The following MYCBP2 variants were observed in gnomAD, a reference collection of about 807,000 sequenced individuals.
The protein encoded by MYCBP2 is E3 ubiquitin-protein ligase MYCBP2.
A neutral mutation model predicts 525.3 loss-of-function variants in MYCBP2; 120 were observed. That is an observed-to-expected ratio of 0.23 (90% CI 0.20 to 0.27). The LOEUF (loss-of-function observed/expected upper bound fraction) is 0.27. Ranked by LOEUF, MYCBP2 falls within the 10% of genes least tolerant of loss-of-function variation. The pLI is 1.00. For missense variants in MYCBP2, 4,149 were observed against 5,657.1 expected, an observed-to-expected ratio of 0.73 and a Z score of 8.55; for synonymous variants, 1,894 against 1,955.8, an observed-to-expected ratio of 0.97 and a Z score of 0.83.
At chr13:77,166,679 T>C (rs1437263904) in intron 40 of MYCBP2, 125 bp from the exon 41 acceptor site, 1 of 525,592 alleles carries the variant, frequency 1.9e-6, no homozygotes, top group Non-Finnish European at 3.1e-6. Context: ...AAGTACAAAA[T>C]TAAAATAGAA....
At chr13:77,241,483 G>C (rs1456529400) in intron 17 of MYCBP2, among the ~76,000 whole-genome samples, 1 of 152,080 alleles carries the variant, frequency 6.6e-6, no homozygotes, top group Non-Finnish European at 1.5e-5. Context: ...CAAACAGATA[G>C]AATGGTAACT....
In MYCBP2 at chr13:77,267,886, T is replaced by G; in HGVS notation, c.1312A>C (p.Ile438Leu). ...VNNHSMTAIR[I>L]SPETLEQDGT... is the part of the protein sequence containing the mutation. ...TCTTGCTCCAGTGTTTCAGGGCTTATCCTTATGGCTGTCATGCTGTGGTTA... is the reference window on the plus strand; with the variant it reads ...TCTTGCTCCAGTGTTTCAGGGCTTAGCCTTATGGCTGTCATGCTGTGGTTA... Residue 438 changes from isoleucine to leucine, a missense_variant, in exon 8 of 83, where the codon ATA (isoleucine) becomes CTA (leucine). Coordinates refer to ENST00000544440, the MANE Select transcript of MYCBP2 (RefSeq NM_015057.5). 1 of 1,613,932 alleles carries G rather than the reference T, an allele frequency of 6.2e-7. No homozygotes were observed. Among genetic ancestry groups the G allele is most frequent in the African/African-American group, 1.3e-5 (1 of 75,030 alleles).
At chr13:77,071,948 T>C (rs755825511) in intron 68 of MYCBP2, among the ~76,000 whole-genome samples, 7 of 152,022 alleles carry the variant, frequency 4.6e-5, no homozygotes, top group Non-Finnish European at 8.8e-5. Context: ...TCCCAAATAT[T>C]TGGGAATTAA....
Position 77,098,418 on chromosome 13 carries a change from A to C in MYCBP2, c.8736T>G (p.Pro2912=), listed in dbSNP as rs146009453. 1.1e-3 allele frequency: 1,743 copies of C among 1,613,694 alleles called. 4 individuals are homozygous for C. Among genetic ancestry groups the C allele is most frequent in the Admixed American group, 3.7e-3 (221 of 59,918 alleles). The change falls in exon 56 of 83, where the codon CCT becomes CCG. Residue 2912 remains proline, a synonymous_variant. Transcript: ENST00000544440. ...GAGAGGGAGCTCTATTTTCAGATCC[A>C]GGGGAATCTGTAGAATCCTTTGGTA... The part of the protein sequence containing the change: ...KSVPKDSTDS[P]GSENRAPSPH...
chr13:77,201,428 C>T (rs1300096242), intron 26 of MYCBP2, among the ~76,000 whole-genome samples: 2 of 151,820 alleles, frequency 1.3e-5, no homozygotes, highest in Admixed American at 1.3e-4. Context: ...ACTTAGACTC[C>T]CACACATTAA....
intron 26 of MYCBP2, among the ~76,000 whole-genome samples, chr13:77,198,474 C>T (rs1410683018): frequency 1.3e-5 from 2 of 152,126 alleles, no homozygotes; most frequent in Admixed American, 6.5e-5. Context: ...AAGAAAATAC[C>T]TCCTGAACAG....
intron 15 of MYCBP2, among the ~76,000 whole-genome samples, chr13:77,246,410 T>C (rs576482400): frequency 2.0e-5 from 3 of 151,934 alleles, no homozygotes; most frequent in East Asian, 1.9e-4. Context: ...AATTCATTCT[T>C]TGAGGTCAGG....
chr13:77,091,789 G>A (rs1198449466), intron 59 of MYCBP2, among the ~76,000 whole-genome samples: 1 of 151,690 alleles, frequency 6.6e-6, no homozygotes, highest in Non-Finnish European at 1.5e-5. Flanking sequence ...TGACACAATC[G>A]TAGCTCACTG....
At chr13:77,312,140 C>T (rs1209869276) in intron 1 of MYCBP2, among the ~76,000 whole-genome samples, 1 of 152,002 alleles carries the variant, frequency 6.6e-6, no homozygotes, top group Non-Finnish European at 1.5e-5. Flanking sequence ...ATTATATATC[C>T]ACCTAAAATA....
At chr13:77,205,705 T>A (rs1337400177) in intron 24 of MYCBP2, 107 bp from the exon 25 acceptor site, 2 of 920,466 alleles carry the variant, frequency 2.2e-6, no homozygotes, top group Non-Finnish European at 3.1e-6. Flanking sequence ...AAACTCAGAA[T>A]GTTACTCCAA....
intron 15 of MYCBP2, among the ~76,000 whole-genome samples, chr13:77,248,508 A>G (rs1018184768): frequency 1.3e-5 from 2 of 152,210 alleles, no homozygotes; most frequent in African/African-American, 4.8e-5. Flanking sequence ...CAAAAAGTAT[A>G]TGGAAAGATG....
At chr13:77,261,493 A>G (rs1241918178) in intron 11 of MYCBP2, 118 bp from the exon 12 acceptor site, 1 of 800,480 alleles carries the variant, frequency 1.2e-6, no homozygotes, top group African/African-American at 1.8e-5. Context: ...ACATAAAAAC[A>G]AACTCTTTTT....
intron 17 of MYCBP2, among the ~76,000 whole-genome samples, chr13:77,242,145 C>T (rs901921837): frequency 1.3e-5 from 2 of 152,176 alleles, no homozygotes; most frequent in African/African-American, 2.4e-5. Context: ...GATGGAGTCT[C>T]ACTCTGTCGC....
At chr13:77,281,156 T>C (rs947959885) in intron 3 of MYCBP2, among the ~76,000 whole-genome samples, 4 of 152,112 alleles carry the variant, frequency 2.6e-5, no homozygotes, top group Admixed American at 6.6e-5. Context: ...TCTCCCTCCT[T>C]CAGTATCAGG....
At position 77,261,223 on chromosome 13, in the gene MYCBP2, A is replaced by G; in HGVS notation, c.1800T>C (p.Asp600=). 6.2e-7 allele frequency: 1 copy of G among 1,613,670 alleles called. No homozygotes were observed. The highest frequency in any genetic ancestry group is 8.5e-7 in the Non-Finnish European group (1 of 1,179,696). Residue 600 remains aspartate, a synonymous_variant, in exon 12 of 83, where the codon GAT becomes GAC. Coordinates refer to ENST00000544440, the MANE Select transcript of MYCBP2 (RefSeq NM_015057.5). ...DGSHALLVAE[D]GSIFFTGSAS... ...CAGATCCTGTAAAGAATATGCTCCC[A>G]TCTTCTGCAACTAAAAGGGCGTGAG...
chr13:77,295,667 T>C (rs939588490), intron 2 of MYCBP2, among the ~76,000 whole-genome samples: 10 of 152,248 alleles, frequency 6.6e-5, no homozygotes, highest in African/African-American at 2.4e-4. Context: ...TCAGGAATCA[T>C]AGTTACGACT....
At chr13:77,090,394 C>G (rs2045192343) in intron 59 of MYCBP2, 131 bp from the exon 60 acceptor site, 1 of 617,548 alleles carries the variant, frequency 1.6e-6, no homozygotes, top group African/African-American at 1.9e-5. Context: ...AATTGATAAT[C>G]TCTCTTTAAA....
intron 29 of MYCBP2, among the ~76,000 whole-genome samples, chr13:77,190,021 A>G (rs1284889333): frequency 6.6e-6 from 1 of 152,148 alleles, no homozygotes; most frequent in Non-Finnish European, 1.5e-5. Context: ...GGTATAATAC[A>G]GATAATCTGA....
At chr13:77,232,747 C>A (rs1398904998) in intron 18 of MYCBP2, among the ~76,000 whole-genome samples, 1 of 152,048 alleles carries the variant, frequency 6.6e-6, no homozygotes, top group African/African-American at 2.4e-5. Context: ...ATTTAATATA[C>A]TGAATTTAGT....
Sources: gnomAD v4.1 joint callset for allele counts (sites outside exome capture counted in the v4.1 genomes callset) on GRCh38, gnomAD v4.1.1 for gene constraint, MANE v1.5 for transcripts, NCBI Gene and HGNC (gene_info 2026-07-23, HGNC 2026-07-21) for gene names.